Variants in SNRPB observed in about 807,000 individuals in gnomAD.
SNRPB encodes small nuclear ribonucleoprotein polypeptides B and B1.
SNRPB carries 5 observed loss-of-function variants against 26.6 expected under a neutral mutation model. That is an observed-to-expected ratio of 0.19 (90% CI 0.10 to 0.39). SNRPB has a LOEUF of 0.39. Ranked by LOEUF, SNRPB falls within the 10% of genes least tolerant of loss-of-function variation. The pLI is 1.00. For missense variants in SNRPB, 211 were observed against 311.9 expected (o/e 0.68, Z 2.44); for synonymous variants, 122 against 105.8 (o/e 1.15, Z -0.94).
At chr20:2,469,965 A>C (rs1221780968) in intron 1 of SNRPB, among the ~76,000 whole-genome samples, 1 of 152,150 alleles carries the variant, frequency 6.6e-6, no homozygotes, top group Non-Finnish European at 1.5e-5. Flanking sequence ...CATTCTTGCT[A>C]ATCTTTTAGG....
At position 2,461,982 on chromosome 20, in the gene SNRPB, C is replaced by T. The variant is rs2085037557; in HGVS notation, c.686-43G>A. 4 of 1,460,396 alleles carry T rather than the reference C, an allele frequency of 2.7e-6. No individual in the cohort carries two copies. The South Asian group carries it at 3.5e-5, about 13-fold the overall frequency. 90.5% of individuals were successfully genotyped at this position (1,460,396 alleles called of 1,614,324 possible). Reference sequence around the variant, plus strand: ...AGTTTAGTCAGTGCCTGATCTGCAACTTGAATCCCCAACCCTGCCCCAGCC... The same window carrying T: ...AGTTTAGTCAGTGCCTGATCTGCAATTTGAATCCCCAACCCTGCCCCAGCC... On this transcript the variant is annotated intron_variant, in intron 6 of 6. Transcript: ENST00000381342.
rs970606103 is a variant in SNRPB, at chr20:2,461,908, TC to T, written c.*20del. The T allele has an allele frequency of 7.4e-6, 12 of 1,613,622 alleles. No individual in the cohort carries two copies. The highest frequency in any genetic ancestry group is 1.0e-5 in the Non-Finnish European group (12 of 1,179,854). Reference sequence around the variant, plus strand: ...GAGCCCACGCCTCTGCGGAGCTACTTCCATACTCTGTGGCCAAGGGTCAAAG... The same window carrying T: ...GAGCCCACGCCTCTGCGGAGCTACTTCATACTCTGTGGCCAAGGGTCAAAG... On this transcript the variant is annotated 3_prime_UTR_variant, in exon 7 of 7. Transcript: ENST00000381342.
chr20:2,463,839 C>T lies in SNRPB; in HGVS notation c.328G>A (p.Ala110Thr). ...AAGGPGIGRA[A>T]GRGIPAGVPM... ...ACCCCAGCTGGGATTCCTCTGCCAG[C>T]AGCCCTGCCGATCCCTGGGCCCCCG... Residue 110 changes from alanine to threonine, a missense_variant, in exon 4 of 7, where the codon GCT becomes ACT. By Grantham distance (58) the Ala-to-Thr change is moderately conservative. Transcript: ENST00000381342. The surrounding 1 kb of genome is among the most constrained non-coding windows in gnomAD (Gnocchi z 5.0). 1.9e-6 allele frequency: 3 copies of T among 1,613,174 alleles called. No individual in the cohort carries two copies. Among genetic ancestry groups the T allele is most frequent in the Non-Finnish European group, 2.5e-6 (3 of 1,179,580 alleles).
At chr20:2,470,015 C>A (rs951080595) in intron 1 of SNRPB, among the ~76,000 whole-genome samples, 4 of 152,210 alleles carry the variant, frequency 2.6e-5, no homozygotes, top group African/African-American at 7.2e-5. Context: ...AACATTCTTA[C>A]CCCGCCCCGC....
In SNRPB at chr20:2,470,721, C is replaced by T. The variant is rs1600004909; in HGVS notation, c.-31G>A. On this transcript the variant is annotated 5_prime_UTR_variant, in exon 1 of 7. Coordinates refer to ENST00000381342, the MANE Select transcript of SNRPB (RefSeq NM_003091.4). ...CGGTTCTGATGGCTCTGATACCCGC[C>T]GGATTCGCCTCCTCAGAGGCCTAGC... 1 of 1,612,598 alleles carries T rather than the reference C, an allele frequency of 6.2e-7. No individual in the cohort carries two copies. The highest frequency in any genetic ancestry group is 8.5e-7 in the Non-Finnish European group (1 of 1,179,924).
chr20:2,470,558 C>T, intron 1 of SNRPB, 130 bp downstream of exon 1: 1 of 1,116,716 alleles, frequency 9.0e-7, no homozygotes, highest in African/African-American at 1.5e-5. Flanking sequence ...CCGCCCAGAC[C>T]GAGCGGCCTC....
rs1286789317 is a variant in SNRPB, at chr20:2,463,546, T to A, written c.420+201A>T. Among the ~76,000 whole-genome samples, 1 of 152,228 alleles carries A rather than the reference T, an allele frequency of 6.6e-6. No homozygotes were observed. The highest frequency in any genetic ancestry group is 2.4e-5 in the African/African-American group (1 of 41,456). On this transcript the variant is annotated intron_variant, in intron 4 of 6. Coordinates refer to ENST00000381342, the MANE Select transcript of SNRPB (RefSeq NM_003091.4). The surrounding 1 kb of genome is among the most constrained non-coding windows in gnomAD (Gnocchi z 5.0). ...TAAATACAGTTGGCTAATTCGTACA[T>A]CTCTTTAATAGCATCAACATAATTT...
intron 2 of SNRPB, chr20:2,467,307 C>A (rs947131218): frequency 7.7e-6 from 4 of 518,698 alleles, no homozygotes; most frequent in African/African-American, 3.8e-5. Context: ...GCTCTCCCCC[C>A]TCACACACCT....
At chr20:2,467,501 T>C (rs1251023513) in intron 2 of SNRPB, 106 bp downstream of exon 2, 2 of 1,055,552 alleles carry the variant, frequency 1.9e-6, no homozygotes, top group African/African-American at 3.2e-5. Flanking sequence ...AACTGGAGAA[T>C]AAACAGAGAA....
chr20:2,470,651 C>G (rs755584583), intron 1 of SNRPB, 37 bp downstream of exon 1: 1 of 1,613,260 alleles, frequency 6.2e-7, no homozygotes. Flanking sequence ...ACAACAGACT[C>G]GGAAGCTCCC....
Position 2,467,744 on chromosome 20 carries a change from G to A in SNRPB, c.18C>T (p.Ser6=), listed in dbSNP as rs745345351. MTVGK[S]SKMLQHIDYR... ...AATCAATATGCTGCAGCATCTTGCT[G>A]CTCTTGCCCACCGTCTGCAAGGAGA... Residue 6 remains serine (S), a synonymous_variant, in exon 2 of 7, where the codon AGC becomes AGT. Transcript: ENST00000381342. The A allele has an allele frequency of 6.2e-7, 1 of 1,614,008 alleles. No homozygotes were observed. Among genetic ancestry groups the A allele is most frequent in the Non-Finnish European group, 8.5e-7 (1 of 1,179,942 alleles).
In SNRPB at chr20:2,468,225, G is replaced by T. The variant is rs572124547; in HGVS notation, c.4-467C>A. Among the ~76,000 whole-genome samples, 91 of 152,302 alleles carry T rather than the reference G, an allele frequency of 6.0e-4. 1 individual carries two copies. The South Asian group carries it at 7.7e-3, about 13-fold the overall frequency. On this transcript the variant is annotated intron_variant, in intron 1 of 6. Coordinates refer to ENST00000381342, the MANE Select transcript of SNRPB (RefSeq NM_003091.4). ...TCAACAAGAAGCTTGTTATCAGGAAGGAGATCAGCTTCAAGGTGAAAAATG... is the reference window on the plus strand; with the variant it reads ...TCAACAAGAAGCTTGTTATCAGGAATGAGATCAGCTTCAAGGTGAAAAATG...
In SNRPB at chr20:2,463,391, G is replaced by C. The variant is rs953401014; in HGVS notation, c.421-164C>G. On this transcript the variant is annotated intron_variant, in intron 4 of 6. Coordinates refer to ENST00000381342, the MANE Select transcript of SNRPB (RefSeq NM_003091.4). The surrounding 1 kb of genome is among the most constrained non-coding windows in gnomAD (Gnocchi z 5.0). Reference sequence around the variant, plus strand: ...CCATCCAAAACCACATGTCGGGAAAGATCAAGCTTGAATGCCCAACTCCCA... The same window carrying C: ...CCATCCAAAACCACATGTCGGGAAACATCAAGCTTGAATGCCCAACTCCCA... 2.6e-5 allele frequency among the ~76,000 whole-genome samples: 4 copies of C among 152,224 alleles called. No individual in the cohort carries two copies. The South Asian group carries it at 6.2e-4, about 24-fold the overall frequency.
At chr20:2,470,370 T>A (rs1600004446) in intron 1 of SNRPB, among the ~76,000 whole-genome samples, 1 of 152,312 alleles carries the variant, frequency 6.6e-6, no homozygotes, top group Admixed American at 6.5e-5. Flanking sequence ...GCCCGGGACA[T>A]ATATTTATTC....
chr20:2,463,086 C>A lies in SNRPB; in HGVS notation c.559+3G>T. On this transcript the variant is annotated splice_donor_region_variant and intron_variant, in intron 5 of 6. Transcript: ENST00000381342. The surrounding 1 kb of genome is among the most constrained non-coding windows in gnomAD (Gnocchi z 5.0). ...AGCACTGGTCTCCTTATGGGCTCCTCACCTGGAGGGGGTGCTCCTCGGCCC... is the reference window on the plus strand; with the variant it reads ...AGCACTGGTCTCCTTATGGGCTCCTAACCTGGAGGGGGTGCTCCTCGGCCC... The A allele has an allele frequency of 1.3e-6, 2 of 1,556,316 alleles. No individual in the cohort carries two copies. Among genetic ancestry groups the A allele is most frequent in the Admixed American group, 2.0e-5 (1 of 49,390 alleles).
rs11475117 is a variant in SNRPB, at chr20:2,465,407, C to CT, written c.267+300dup. Among the ~76,000 whole-genome samples the CT allele has an allele frequency of 3.1e-5, 4 of 127,818 alleles. No homozygotes were observed. In the South Asian group the frequency reaches 7.2e-4, roughly 23 times the overall value. 83.9% of individuals were successfully genotyped at this position (127,818 alleles called of 152,430 possible). On this transcript the variant is annotated intron_variant, in intron 3 of 6. Coordinates refer to ENST00000381342, the MANE Select transcript of SNRPB (RefSeq NM_003091.4). The stretch of plus-strand genomic sequence containing the variant: ...GGTAACCTCTTTTTTTTTTTTTTGT[C>CT]TTTTTTTTTTTCTTCCTTTTTCTGG...
rs1434577830 is a variant in SNRPB at position 2,461,776 on chromosome 20, T to G, written c.*153A>C. ...TGAGTCTAGGGCCTTGGTGGGCGCATTCCCGGGGGAGGGGGCCCTGTAAGG... is the reference window on the plus strand; with the variant it reads ...TGAGTCTAGGGCCTTGGTGGGCGCAGTCCCGGGGGAGGGGGCCCTGTAAGG... On this transcript the variant is annotated 3_prime_UTR_variant, in exon 7 of 7. Coordinates refer to ENST00000381342, the MANE Select transcript of SNRPB (RefSeq NM_003091.4). 2 of 1,611,112 alleles carry G rather than the reference T, an allele frequency of 1.2e-6. No individual in the cohort carries two copies. Among genetic ancestry groups the G allele is most frequent in the Non-Finnish European group, 8.5e-7 (1 of 1,178,338 alleles).
intron 1 of SNRPB, 89 bp from the exon 2 acceptor site, chr20:2,467,847 TC>T: frequency 8.2e-7 from 1 of 1,225,316 alleles, no homozygotes; most frequent in Non-Finnish European, 1.2e-6. Context: ...GGCGTTCTTG[TC>T]CATGTGTCCA....
Position 2,465,799 on chromosome 20 carries a change from G to T in SNRPB, c.176C>A (p.Ala59Glu). The T allele has an allele frequency of 6.2e-7, 1 of 1,613,494 alleles. No individual in the cohort carries two copies. Among genetic ancestry groups the T allele is most frequent in the Non-Finnish European group, 8.5e-7 (1 of 1,179,866 alleles). The change falls in exon 3 of 7, where the codon GCA (alanine) becomes GAA (glutamate). Residue 59 changes from alanine to glutamate, a missense_variant. By Grantham distance (107) the Ala-to-Glu change is moderately radical (BLOSUM62 -1). Transcript: ENST00000381342. Reference protein sequence around the residue: ...RKIKPKNSKQAEREEKRVLGL... With the variant: ...RKIKPKNSKQEEREEKRVLGL... ...GAGGACTCGCTTCTCTTCCCTTTCT[G>T]CTTGTTTGGAGTTCTTTGGCCTAAA...
Sources: gnomAD v4.1 joint callset for allele counts (sites outside exome capture counted in the v4.1 genomes callset) on GRCh38, gnomAD v4.1.1 for gene constraint, Gnocchi (gnomAD v3.1) non-coding constraint, MANE v1.5 for transcripts, NCBI Gene and HGNC (gene_info 2026-07-23, HGNC 2026-07-21) for gene names.